FAM149B1: variants seen among roughly 807,000 people sequenced by gnomAD.
FAM149B1 encodes the protein primary cilium assembly protein FAM149B1.
A neutral mutation model predicts 75.3 loss-of-function variants in FAM149B1; 56 were observed. The ratio of observed to expected loss-of-function variants is 0.74; its 90% confidence interval spans 0.60 to 0.93. The LOEUF (loss-of-function observed/expected upper bound fraction) is 0.93, where lower values mean the gene tolerates loss of function less well. FAM149B1 is among the 40% of genes least tolerant of loss of function. FAM149B1 has a pLI of 0.00. For synonymous variants in FAM149B1, 259 were observed against 256.1 expected (o/e 1.01, Z -0.11); for missense variants, 639 against 708.4 (o/e 0.90, Z 1.11).
intron 5 of FAM149B1, among the ~76,000 whole-genome samples, chr10:73,197,988 A>C (rs199629652): frequency 1.3e-5 from 2 of 152,242 alleles, no homozygotes; most frequent in East Asian, 3.8e-4. Context: ...GCTAAAGTAC[A>C]TGACTACATG....
chr10:73,180,523 T>C (rs893698249), intron 3 of FAM149B1, among the ~76,000 whole-genome samples: 2 of 152,246 alleles, frequency 1.3e-5, no homozygotes, highest in Non-Finnish European at 2.9e-5. Context: ...ATGATTTGTA[T>C]CTCTTTATAA....
chr10:73,180,157 G>A (rs970449897), intron 3 of FAM149B1, among the ~76,000 whole-genome samples: 3 of 152,210 alleles, frequency 2.0e-5, no homozygotes, highest in African/African-American at 7.2e-5. Context: ...CATTATCAGG[G>A]ATCTCTGGTA....
At position 73,243,335 on chromosome 10, in the gene FAM149B1, C is replaced by T. The variant is rs7100458; in HGVS notation, c.*2316C>T. 0.095 allele frequency: 150,245 copies of T among 1,581,588 alleles called. 11,761 individuals carry two copies. Among genetic ancestry groups the T allele is most frequent in the African/African-American group, 0.32 (23,920 of 73,632 alleles). On this transcript the variant is annotated 3_prime_UTR_variant, in exon 14 of 14. Coordinates refer to ENST00000242505, the MANE Select transcript of FAM149B1 (RefSeq NM_173348.2). ...CTGAATTGACTTTTGCCTTCAAATC[C>T]TGCCTGCACCTTGCCTACGATGGCA...
At chr10:73,229,691 C>T (rs1031931901) in intron 8 of FAM149B1, among the ~76,000 whole-genome samples, 1 of 152,274 alleles carries the variant, frequency 6.6e-6, no homozygotes. Context: ...CTGGTGTGGC[C>T]GTGGTTTAGT....
rs1424052665 is a variant in FAM149B1, at chr10:73,239,363, C to T, written c.1654C>T (p.Arg552Ter). The T allele has an allele frequency of 1.5e-5, 24 of 1,551,524 alleles. No homozygotes were observed. In the Admixed American group the frequency reaches 1.6e-4, roughly 10 times the overall value. The change falls in exon 13 of 14, where the codon CGA becomes TGA. Residue 552 changes from arginine (R) to a stop codon, truncating the protein, a stop_gained. Coordinates refer to ENST00000242505, the MANE Select transcript of FAM149B1 (RefSeq NM_173348.2). LOFTEE classifies it high-confidence loss of function. ...SCAVEYPHQA[R>*]PGRGSAGPQL... Reference sequence around the variant, plus strand: ...TGCAGTTGAGTATCCTCATCAGGCCCGACCTGGCAGGGGATCTGCAGGTAA... The same window carrying T: ...TGCAGTTGAGTATCCTCATCAGGCCTGACCTGGCAGGGGATCTGCAGGTAA...
chr10:73,175,669 C>CAAAA (rs779685127), intron 2 of FAM149B1, among the ~76,000 whole-genome samples: 2 of 64,930 alleles, frequency 3.1e-5, no homozygotes, highest in Non-Finnish European at 7.3e-5. Context: ...GACTCCTTCT[C>CAAAA]AAAAAAAAAA....
At chr10:73,196,464 T>A (rs1026899338) in intron 5 of FAM149B1, among the ~76,000 whole-genome samples, 1 of 152,170 alleles carries the variant, frequency 6.6e-6, no homozygotes, top group Non-Finnish European at 1.5e-5. Flanking sequence ...TAGGCTATTT[T>A]GCCACTTTTT....
chr10:73,177,727 G>A, intron 2 of FAM149B1, 119 bp from the exon 3 acceptor site: 1 of 822,022 alleles, frequency 1.2e-6, no homozygotes, highest in Non-Finnish European at 1.9e-6. Flanking sequence ...TTGCCTATGT[G>A]GATATATTTG....
chr10:73,206,306 T>C (rs2043052860), intron 5 of FAM149B1, among the ~76,000 whole-genome samples: 1 of 152,238 alleles, frequency 6.6e-6, no homozygotes, highest in Non-Finnish European at 1.5e-5. Flanking sequence ...CTAACACCTA[T>C]GCTCAGATGT....
chr10:73,215,802 T>C (rs2043286462), intron 7 of FAM149B1, among the ~76,000 whole-genome samples: 1 of 152,188 alleles, frequency 6.6e-6, no homozygotes, highest in Admixed American at 6.5e-5. Flanking sequence ...TTTAAAACAT[T>C]TGTTAAGATT....
At chr10:73,218,594 C>G (rs1478531206) in intron 7 of FAM149B1, among the ~76,000 whole-genome samples, 1 of 152,122 alleles carries the variant, frequency 6.6e-6, no homozygotes, top group Non-Finnish European at 1.5e-5. Context: ...AGACAAAGCC[C>G]TTAAGTTTCA....
intron 5 of FAM149B1, 91 bp from the exon 6 acceptor site, chr10:73,208,528 G>A: frequency 1.2e-6 from 1 of 800,424 alleles, no homozygotes; most frequent in South Asian, 2.2e-5. Context: ...CCAGGGCAAG[G>A]GGAGTTTGAG....
Position 73,179,579 on chromosome 10 carries a change from A to G in FAM149B1, c.282+1604A>G, listed in dbSNP as rs552853604. ...CAGGTGCATGCCACCACACCCTGCT[A>G]TTTTTTTTTTTTTTAAGAGGTAGGA... On this transcript the variant is annotated intron_variant, in intron 3 of 13. Coordinates refer to ENST00000242505, the MANE Select transcript of FAM149B1 (RefSeq NM_173348.2). Among the ~76,000 whole-genome samples, 33 of 136,748 alleles carry G rather than the reference A, an allele frequency of 2.4e-4. No homozygotes were observed. The South Asian group carries it at 7.7e-3, about 32-fold the overall frequency. 89.7% of individuals were successfully genotyped at this position (136,748 alleles called of 152,430 possible).
chr10:73,172,145 GTC>G (rs1363941109), intron 1 of FAM149B1, among the ~76,000 whole-genome samples: 2 of 152,138 alleles, frequency 1.3e-5, no homozygotes, highest in Admixed American at 6.5e-5. Flanking sequence ...AATGTCTTAA[GTC>G]TCTATTTCAT....
At chr10:73,235,590 A>G in intron 12 of FAM149B1, 2 of 503,498 alleles carry the variant, frequency 4.0e-6, no homozygotes, top group Middle Eastern at 6.5e-4. Context: ...ATTAAATCCC[A>G]GTACACATCA....
chr10:73,188,435 G>A (rs2042585674), intron 3 of FAM149B1, among the ~76,000 whole-genome samples: 1 of 152,080 alleles, frequency 6.6e-6, no homozygotes, highest in Non-Finnish European at 1.5e-5. Context: ...CACACCAAAA[G>A]CATAAGCTAC....
intron 7 of FAM149B1, among the ~76,000 whole-genome samples, chr10:73,225,905 T>C (rs879140453): frequency 1.3e-5 from 2 of 152,196 alleles, no homozygotes; most frequent in African/African-American, 4.8e-5. Flanking sequence ...TAACATGCTG[T>C]ACAGGCCTGT....
chr10:73,188,445 C>T (rs187936151), intron 3 of FAM149B1, among the ~76,000 whole-genome samples: 13 of 152,196 alleles, frequency 8.5e-5, no homozygotes, highest in Non-Finnish European at 1.5e-4. Context: ...GCATAAGCTA[C>T]GAAAATGGAT....
Position 73,228,203 on chromosome 10 carries a change from A to T in FAM149B1, c.1023+19A>T. 6.4e-7 allele frequency: 1 copy of T among 1,551,232 alleles called. No individual in the cohort carries two copies. Among genetic ancestry groups the T allele is most frequent in the South Asian group, 1.2e-5 (1 of 84,044 alleles). On this transcript the variant is annotated intron_variant, in intron 8 of 13. Coordinates refer to ENST00000242505, the MANE Select transcript of FAM149B1 (RefSeq NM_173348.2). ...AAATCCGGTAAGCCCCAGAGGGATC[A>T]GTTGGAGACCCCAGGGCTACTCTCA...
Sources: gnomAD v4.1 joint callset for allele counts (sites outside exome capture counted in the v4.1 genomes callset) on GRCh38, gnomAD v4.1.1 for gene constraint, MANE v1.5 for transcripts, NCBI Gene and HGNC (gene_info 2026-07-23, HGNC 2026-07-21) for gene names.